TBC1D5: variants seen among roughly 807,000 people sequenced by gnomAD.
TBC1D5 encodes TBC1 domain family, member 5.
In TBC1D5, 75 loss-of-function variants were observed where a neutral mutation model predicts 100.3. That is an observed-to-expected ratio of 0.75 (90% CI 0.62 to 0.91). The LOEUF is 0.91. TBC1D5 is among the 40% of genes least tolerant of loss of function. TBC1D5 has a pLI of 0.00. For synonymous variants in TBC1D5, 323 were observed against 325.6 expected (o/e 0.99, Z 0.09); for missense variants, 910 against 942.4 (o/e 0.97, Z 0.45).
intron 2 of TBC1D5, among the ~76,000 whole-genome samples, chr3:17,614,238 G>A (rs553588223): frequency 9.9e-5 from 15 of 152,132 alleles, no homozygotes; most frequent in African/African-American, 3.4e-4. Flanking sequence ...ATGTTCCATT[G>A]CTCCATATAT....
rs192215767 is a variant in TBC1D5, at chr3:17,674,484, T to C, written c.-100-50571A>G. Among the ~76,000 whole-genome samples, 10 of 152,312 alleles carry C rather than the reference T, an allele frequency of 6.6e-5. No individual in the cohort carries two copies. In the East Asian group the frequency reaches 7.7e-4, roughly 12 times the overall value. On this transcript the variant is annotated intron_variant, in intron 1 of 21. Transcript: ENST00000253692. The stretch of plus-strand genomic sequence containing the variant: ...AATGAGAAATGATATCCAACTTATA[T>C]TGATGTTTTTCTATCTGAAGTATGT...
intron 17 of TBC1D5, among the ~76,000 whole-genome samples, chr3:17,228,239 G>A (rs1163314146): frequency 6.6e-6 from 1 of 152,134 alleles, no homozygotes; most frequent in East Asian, 1.9e-4. Context: ...AGCTAGGATT[G>A]AGTCTGAACT....
chr3:17,217,793 A>T (rs1475599003), intron 17 of TBC1D5, among the ~76,000 whole-genome samples: 2 of 152,042 alleles, frequency 1.3e-5, no homozygotes, highest in Non-Finnish European at 2.9e-5. Context: ...CTTGCAAAAA[A>T]TTCTTCTGTT....
chr3:17,437,787 C>A (rs1354764579), intron 3 of TBC1D5, among the ~76,000 whole-genome samples: 1 of 151,928 alleles, frequency 6.6e-6, no homozygotes, highest in African/African-American at 2.4e-5. Context: ...AAAGGGTTCC[C>A]TAGATTATTC....
exon 8 of TBC1D5, chr3:17,403,182 T>G (rs1402712408): frequency 6.3e-7 from 1 of 1,583,268 alleles, no homozygotes; most frequent in South Asian, 1.1e-5. Flanking sequence ...TCTACATACG[T>G]TCTTTTGACA....
In TBC1D5 at chr3:17,235,958, T is replaced by C. The variant is rs373802660; in HGVS notation, c.1588+2205A>G. 2.7e-4 allele frequency among the ~76,000 whole-genome samples: 41 copies of C among 152,038 alleles called. No homozygotes were observed. In the East Asian group the frequency reaches 2.7e-3, roughly 10 times the overall value. On this transcript the variant is annotated intron_variant, in intron 17 of 21. Transcript: ENST00000253692. ...GAAGAACAAAACACAAGTACAAATATAGAAGGGTTGCCAAACAAGGCTACT... is the reference window on the plus strand; with the variant it reads ...GAAGAACAAAACACAAGTACAAATACAGAAGGGTTGCCAAACAAGGCTACT...
intron 9 of TBC1D5, among the ~76,000 whole-genome samples, chr3:17,379,404 C>T (rs1469776399): frequency 6.6e-6 from 1 of 151,960 alleles, no homozygotes; most frequent in South Asian, 2.1e-4. Context: ...AATAAGAGTT[C>T]TTGTCTAAAT....
chr3:17,704,118 TGACTCTTAAC>T (rs1440582078), intron 1 of TBC1D5, among the ~76,000 whole-genome samples: 1 of 142,850 alleles, frequency 7.0e-6, no homozygotes, highest in Non-Finnish European at 1.5e-5. Flanking sequence ...GGATTGGTGA[TGACTCTTAAC>T]GAGCATGCTG....
chr3:17,177,809 G>A (rs1466043754), intron 19 of TBC1D5, among the ~76,000 whole-genome samples: 1 of 151,978 alleles, frequency 6.6e-6, no homozygotes, highest in African/African-American at 2.4e-5. Flanking sequence ...CAGATATTTT[G>A]ATACGGGCAT....
intron 1 of TBC1D5, among the ~76,000 whole-genome samples, chr3:17,675,045 T>A (rs1354822980): frequency 6.6e-6 from 1 of 152,108 alleles, no homozygotes; most frequent in Non-Finnish European, 1.5e-5. Context: ...CTCTAATTTT[T>A]AAAATTTGAA....
chr3:17,595,829 G>C (rs1194524942), intron 2 of TBC1D5, among the ~76,000 whole-genome samples: 1 of 152,046 alleles, frequency 6.6e-6, no homozygotes, highest in African/African-American at 2.4e-5. Context: ...TTACAATCCT[G>C]GCCAGTACTT....
intron 13 of TBC1D5, among the ~76,000 whole-genome samples, chr3:17,325,929 G>C (rs1274095106): frequency 6.6e-6 from 1 of 152,088 alleles, no homozygotes; most frequent in African/African-American, 2.4e-5. Context: ...TGAATGCTAA[G>C]TAATCACAAA....
intron 19 of TBC1D5, among the ~76,000 whole-genome samples, chr3:17,168,376 G>A (rs778775260): frequency 3.3e-5 from 5 of 152,132 alleles, no homozygotes; most frequent in Non-Finnish European, 5.9e-5. Flanking sequence ...AATGTCTATG[G>A]AGTCTCCTCT....
intron 16 of TBC1D5, among the ~76,000 whole-genome samples, chr3:17,249,998 G>A (rs2077054278): frequency 6.6e-6 from 1 of 152,200 alleles, no homozygotes; most frequent in Non-Finnish European, 1.5e-5. Flanking sequence ...CAGAGACAAA[G>A]TGAGCACATG....
At chr3:17,477,437 C>T (rs2095450534) in intron 3 of TBC1D5, among the ~76,000 whole-genome samples, 1 of 151,898 alleles carries the variant, frequency 6.6e-6, no homozygotes, top group Admixed American at 6.5e-5. Context: ...AAAGAATTTT[C>T]TCTTTATGTT....
intron 10 of TBC1D5, 35 bp from the exon 11 acceptor site, chr3:17,374,714 ATTTT>A: frequency 6.3e-7 from 1 of 1,598,870 alleles, no homozygotes; most frequent in South Asian, 1.1e-5. Flanking sequence ...AAAATGTGTA[ATTTT>A]TGAATAATTA....
At chr3:17,591,616 G>A (rs2060228919) in intron 2 of TBC1D5, among the ~76,000 whole-genome samples, 1 of 152,178 alleles carries the variant, frequency 6.6e-6, no homozygotes, top group South Asian at 2.1e-4. Flanking sequence ...TTCAGCTCAA[G>A]TCCGACCTAC....
At chr3:17,268,976 A>G (rs2079100133) in intron 15 of TBC1D5, among the ~76,000 whole-genome samples, 1 of 152,174 alleles carries the variant, frequency 6.6e-6, no homozygotes. Context: ...GTGGTTTAGT[A>G]TAGGCAGCTA....
intron 16 of TBC1D5, among the ~76,000 whole-genome samples, chr3:17,253,002 T>A (rs2077303156): frequency 1.3e-5 from 2 of 152,226 alleles, no homozygotes; most frequent in African/African-American, 4.8e-5. Flanking sequence ...TCCCAGGGCC[T>A]AGCACAGCGT....
Sources: allele counts gnomAD v4.1 joint callset (sites outside exome capture counted in the v4.1 genomes callset), GRCh38; gene constraint gnomAD v4.1.1; transcripts MANE v1.5; gene names NCBI Gene and HGNC (gene_info 2026-07-23, HGNC 2026-07-21).